The following C14orf39 variants were observed in gnomAD, a reference collection of about 807,000 sequenced individuals.
C14orf39 encodes chromosome 14 open reading frame 39, also known as protein SIX6OS1.
A neutral mutation model predicts 85.6 loss-of-function variants in C14orf39; 66 were observed. The ratio of observed to expected loss-of-function variants is 0.77; its 90% CI spans 0.63 to 0.95. C14orf39 has a LOEUF of 0.95. C14orf39 is among the 40% of genes least tolerant of loss of function. The probability of loss-of-function intolerance (pLI) is 0.00; values close to 1 mark genes in which losing one functional copy is unlikely to be tolerated. For synonymous variants in C14orf39, 242 were observed against 214.0 expected (o/e 1.13, Z -1.14); for missense variants, 735 against 663.9 (o/e 1.11, Z -1.18).
At chr14:60,460,466 T>C (rs556832981) in intron 13 of C14orf39, among the ~76,000 whole-genome samples, 1 of 152,016 alleles carries the variant, frequency 6.6e-6, no homozygotes, top group South Asian at 2.1e-4. Context: ...ATTCTAAATA[T>C]ATATCTATTT....
intron 1 of C14orf39, among the ~76,000 whole-genome samples, chr14:60,510,882 G>A (rs1195725355): frequency 6.6e-6 from 1 of 152,244 alleles, no homozygotes; most frequent in Non-Finnish European, 1.5e-5. Flanking sequence ...TCATGGTGGG[G>A]CACAACAGTA....
At chr14:60,482,449 A>G (rs914040993) in intron 4 of C14orf39, among the ~76,000 whole-genome samples, 44 of 152,250 alleles carry the variant, frequency 2.9e-4, no homozygotes, top group Non-Finnish European at 5.7e-4. Flanking sequence ...TCTATTTATA[A>G]AAGTAATAGT....
chr14:60,472,045 C>G lies in C14orf39; in HGVS notation c.324-306G>C, dbSNP rs372970341. 1.4e-4 allele frequency among the ~76,000 whole-genome samples: 21 copies of G among 152,138 alleles called. No individual in the cohort carries two copies. In the South Asian group the frequency reaches 4.4e-3, roughly 32 times the overall value. On this transcript the variant is annotated intron_variant, in intron 5 of 17. Transcript: ENST00000321731. The stretch of plus-strand genomic sequence containing the variant: ...TCAAATTTGTCCAACTGAATGATCT[C>G]TTTTTAGCACTCATCCTAATTGACA...
intron 4 of C14orf39, among the ~76,000 whole-genome samples, chr14:60,479,389 G>T (rs112726261): frequency 0.033 from 4,958 of 152,122 alleles, 277 homozygotes; most frequent in African/African-American, 0.11. Context: ...AGCAACAGTA[G>T]ACACTGGAAA....
rs1200293424 is a variant in C14orf39, at chr14:60,485,952, G to C, written c.-16C>G. 6.5e-6 allele frequency: 1 copy of C among 152,702 alleles called. No individual in the cohort carries two copies. The highest frequency in any genetic ancestry group is 1.5e-5 in the Non-Finnish European group (1 of 68,370). 9.5% of individuals were successfully genotyped at this position (152,702 alleles called of 1,614,324 possible). A position where few individuals can be genotyped will look rare whatever the true frequency, so the allele number is the denominator to read the frequency against. ...GCTCCCTTCCACACGCACCTAAACAGCTCCTCTGGACCCGAACGCCCACAC... is the reference window on the plus strand; with the variant it reads ...GCTCCCTTCCACACGCACCTAAACACCTCCTCTGGACCCGAACGCCCACAC... On this transcript the variant is annotated 5_prime_UTR_variant, in exon 1 of 18. Coordinates refer to ENST00000321731, the MANE Select transcript of C14orf39 (RefSeq NM_174978.3).
upstream of C14orf39, among the ~76,000 whole-genome samples, chr14:60,489,077 T>A (rs1038399148): frequency 1.3e-5 from 2 of 152,208 alleles, no homozygotes; most frequent in African/African-American, 4.8e-5. Context: ...CCTGTGCTTA[T>A]GAGTCCCAAA....
Position 60,484,215 on chromosome 14 carries a change from C to T in C14orf39, c.107-398G>A, listed in dbSNP as rs1442110291. On this transcript the variant is annotated intron_variant, in intron 3 of 17. Transcript: ENST00000321731. The surrounding 1 kb of genome is among the most constrained non-coding windows in gnomAD (Gnocchi z 4.2). ...AATGTGAAATTTCTATTCATCAATT[C>T]TATGTCAATTATTAAACGCACTTTC... 6.6e-6 allele frequency among the ~76,000 whole-genome samples: 1 copy of T among 152,108 alleles called. No homozygotes were observed. Among genetic ancestry groups the T allele is most frequent in the African/African-American group, 2.4e-5 (1 of 41,426 alleles).
chr14:60,442,262 GCA>G, intron 16 of C14orf39, 131 bp from the exon 17 acceptor site: 1 of 524,042 alleles, frequency 1.9e-6, no homozygotes, highest in East Asian at 3.0e-5. Flanking sequence ...CCTTTATATA[GCA>G]CACTCTTATA....
chr14:60,444,208 T>A (rs1275780346), intron 16 of C14orf39, among the ~76,000 whole-genome samples: 1 of 152,202 alleles, frequency 6.6e-6, no homozygotes, highest in Non-Finnish European at 1.5e-5. Context: ...TTTGACGAGT[T>A]GATGGATGCA....
chr14:60,458,556 A>C, intron 14 of C14orf39, 122 bp downstream of exon 14: 1 of 628,818 alleles, frequency 1.6e-6, no homozygotes, highest in Non-Finnish European at 2.6e-6. Flanking sequence ...CTCTCTAGAA[A>C]CCTGATCACC....
chr14:60,486,798 T>C (rs1317226349), upstream of C14orf39, among the ~76,000 whole-genome samples: 1 of 152,250 alleles, frequency 6.6e-6, no homozygotes, highest in East Asian at 1.9e-4. Flanking sequence ...CAGAAGTTTT[T>C]CTTCCTTAAG....
At chr14:60,500,179 C>T (rs761549306) in intron 1 of C14orf39, among the ~76,000 whole-genome samples, 5 of 152,150 alleles carry the variant, frequency 3.3e-5, no homozygotes, top group Non-Finnish European at 7.4e-5. Context: ...AAGCATGCGC[C>T]ACCACACCTG....
chr14:60,458,738 A>C lies in C14orf39; in HGVS notation c.1119T>G (p.Asp373Glu). Reference protein sequence around the residue: ...SNQWSEKGDKDAEYGDKGTVR... With the variant: ...SNQWSEKGDKEAEYGDKGTVR... The stretch of plus-strand genomic sequence containing the variant: ...CTGTCCCTTTATCTCCATACTCAGC[A>C]TCTGTTGTCATATGAGAACAAACTA... Residue 373 changes from aspartate to glutamate, a missense_variant and splice_region_variant, in exon 14 of 18, where the codon GAT becomes GAG. Transcript: ENST00000321731. 1 of 1,596,506 alleles carries C rather than the reference A, an allele frequency of 6.3e-7. No homozygotes were observed. The highest frequency in any genetic ancestry group is 8.5e-7 in the Non-Finnish European group (1 of 1,169,864).
chr14:60,437,106 C>G (rs1262938714), intron 17 of C14orf39, 59 bp from the exon 18 acceptor site: 3 of 1,150,826 alleles, frequency 2.6e-6, no homozygotes, highest in Non-Finnish European at 2.5e-6. Flanking sequence ...TTTTTATAAC[C>G]TACTGAATTA....
In C14orf39 at chr14:60,442,195, T is replaced by C. The variant is rs528025731; in HGVS notation, c.1504-64A>G. 4.7e-5 allele frequency: 48 copies of C among 1,019,822 alleles called. No individual in the cohort carries two copies. In the South Asian group the frequency reaches 7.0e-4, roughly 15 times the overall value. 63.2% of individuals were successfully genotyped at this position (1,019,822 alleles called of 1,614,324 possible). On this transcript the variant is annotated intron_variant, in intron 16 of 17. Coordinates refer to ENST00000321731, the MANE Select transcript of C14orf39 (RefSeq NM_174978.3). ...AGTAGGACAGTATATATAGTACATATATTTGAATCTAAAGCTTAGTTCTTC... is the reference window on the plus strand; with the variant it reads ...AGTAGGACAGTATATATAGTACATACATTTGAATCTAAAGCTTAGTTCTTC...
chr14:60,507,676 T>C (rs527457410), intron 1 of C14orf39, among the ~76,000 whole-genome samples: 27 of 152,310 alleles, frequency 1.8e-4, no homozygotes, highest in Non-Finnish European at 3.1e-4. Context: ...CGTGGCGTGA[T>C]CTGACCCGAC....
chr14:60,470,073 T>C (rs971179783), intron 7 of C14orf39, among the ~76,000 whole-genome samples: 1 of 151,642 alleles, frequency 6.6e-6, no homozygotes, highest in Non-Finnish European at 1.5e-5. Flanking sequence ...GTATACCCAT[T>C]TCAAGCCAAC....
chr14:60,458,519 T>C (rs1016212992), intron 14 of C14orf39, among the ~76,000 whole-genome samples, 159 bp downstream of exon 14: 5 of 152,034 alleles, frequency 3.3e-5, no homozygotes, highest in African/African-American at 1.2e-4. Context: ...TGGCTTCATC[T>C]TTTAATCTGA....
chr14:60,511,857 C>T (rs543294261), intron 1 of C14orf39: 16 of 158,422 alleles, frequency 1.0e-4, no homozygotes, highest in African/African-American at 3.9e-4. Context: ...AATATCATTC[C>T]CTTCACCAGG....
Sources: gnomAD v4.1 joint callset for allele counts (sites outside exome capture counted in the v4.1 genomes callset) on GRCh38, gnomAD v4.1.1 for gene constraint, Gnocchi (gnomAD v3.1) non-coding constraint, MANE v1.5 for transcripts, NCBI Gene and HGNC (gene_info 2026-07-23, HGNC 2026-07-21) for gene names.